CTNNA1: variants seen among roughly 807,000 people sequenced by gnomAD.
CTNNA1 encodes the protein catenin alpha 1, also known as catenin alpha-1.
In CTNNA1, 37 loss-of-function variants were observed where a neutral mutation model predicts 98.4. That is an observed-to-expected ratio of 0.38 (90% CI 0.29 to 0.49). CTNNA1 has a LOEUF of 0.49. CTNNA1 is among the 20% of genes least tolerant of loss of function. The pLI, the probability that CTNNA1 is intolerant of heterozygous loss-of-function variation, is 0.95. For synonymous variants in CTNNA1, 404 were observed against 413.2 expected (o/e 0.98, Z 0.27); for missense variants, 761 against 1,147.2 (o/e 0.66, Z 4.86).
chr5:138,798,756 C>G (rs1298394323), intron 3 of CTNNA1, among the ~76,000 whole-genome samples: 1 of 152,088 alleles, frequency 6.6e-6, no homozygotes, highest in Non-Finnish European at 1.5e-5. Flanking sequence ...GATTTTATTT[C>G]ATGGCAGATG....
intron 7 of CTNNA1, among the ~76,000 whole-genome samples, chr5:138,865,179 T>TTACTGG (rs985193719): frequency 3.3e-5 from 5 of 152,254 alleles, no homozygotes; most frequent in African/African-American, 1.2e-4. Context: ...TAGTAGGTGT[T>TTACTGG]TACTGGGTGT....
At chr5:138,823,575 G>C (rs1760261235) in intron 5 of CTNNA1, among the ~76,000 whole-genome samples, 1 of 152,122 alleles carries the variant, frequency 6.6e-6, no homozygotes, top group East Asian at 1.9e-4. Flanking sequence ...GTGCTTGTCA[G>C]AACAGCCTTG....
chr5:138,842,016 C>G (rs1383150526), intron 7 of CTNNA1, among the ~76,000 whole-genome samples: 1 of 152,182 alleles, frequency 6.6e-6, no homozygotes, highest in African/African-American at 2.4e-5. Context: ...AATGTTTTGG[C>G]TTGCCCTTGC....
Position 138,753,509 on chromosome 5 carries a change from A to G in CTNNA1, c.-4A>G, listed in dbSNP as rs898367431. On this transcript the variant is annotated splice_region_variant and 5_prime_UTR_variant, in exon 1 of 18. Transcript: ENST00000302763. The stretch of plus-strand genomic sequence containing the variant: ...ATTTAGCGCTCGCCCAGCTAGCCGC[A>G]GGTAACTTCGTACCTCCCTCCTCGC... The G allele has an allele frequency of 5.3e-6, 2 of 376,934 alleles. No individual in the cohort carries two copies. The highest frequency in any genetic ancestry group is 4.6e-5 in the Admixed American group (1 of 21,874). The allele number at this position is 376,934 out of a possible 1,614,324, so 23.3% of individuals were successfully genotyped here. A position where few individuals can be genotyped will look rare whatever the true frequency, so the allele number is the denominator to read the frequency against.
chr5:138,839,257 T>C (rs1762066803), intron 7 of CTNNA1, among the ~76,000 whole-genome samples: 1 of 152,188 alleles, frequency 6.6e-6, no homozygotes, highest in African/African-American at 2.4e-5. Flanking sequence ...GAAGTCTTGC[T>C]CTGTTGCTCA....
At position 138,827,717 on chromosome 5, in the gene CTNNA1, A is replaced by C; in HGVS notation, c.1061A>C (p.Asn354Thr). Residue 354 changes from asparagine to threonine, a missense_variant and splice_region_variant, in exon 7 of 18, where the codon AAT becomes ACT. This residue lies in a region of CTNNA1 where 287 missense variants were observed against 436.0 expected (regional missense o/e 0.66). Coordinates refer to ENST00000302763, the MANE Select transcript of CTNNA1 (RefSeq NM_001903.5). ...GACCTGCTTTCGGAGTACATGGGCAATGTGAGTTTGACAGCTTTTCTTTGA... is the reference window on the plus strand; with the variant it reads ...GACCTGCTTTCGGAGTACATGGGCACTGTGAGTTTGACAGCTTTTCTTTGA... ...LQDLLSEYMG[N>T]AGRKERSDAL... The C allele has an allele frequency of 6.2e-7, 1 of 1,614,096 alleles. No individual in the cohort carries two copies. Among genetic ancestry groups the C allele is most frequent in the Non-Finnish European group, 8.5e-7 (1 of 1,179,952 alleles).
intron 13 of CTNNA1, chr5:138,925,631 C>A: frequency 1.9e-6 from 1 of 534,816 alleles, no homozygotes; most frequent in Non-Finnish European, 3.2e-6. Context: ...CCTGAGTTGA[C>A]GATTTAATTT....
chr5:138,822,076 G>A (rs1240430946), intron 5 of CTNNA1, among the ~76,000 whole-genome samples: 2 of 152,136 alleles, frequency 1.3e-5, no homozygotes, highest in African/African-American at 4.8e-5. Context: ...TTTCATCATA[G>A]ATTAAAATAT....
At chr5:138,791,067 C>T (rs573945367) in intron 3 of CTNNA1, 1 of 152,270 alleles carries the variant, frequency 6.6e-6, no homozygotes, top group East Asian at 1.9e-4. Context: ...CTAAATATTC[C>T]TGTCCATAAA....
intron 7 of CTNNA1, among the ~76,000 whole-genome samples, chr5:138,877,970 T>C (rs1752033587): frequency 6.6e-6 from 1 of 152,190 alleles, no homozygotes; most frequent in East Asian, 1.9e-4. Context: ...AGGAAAAGCA[T>C]CTCCGTGCCC....
intron 7 of CTNNA1, among the ~76,000 whole-genome samples, chr5:138,858,973 G>A (rs1300273576): frequency 5.9e-5 from 9 of 152,116 alleles, no homozygotes; most frequent in African/African-American, 1.9e-4. Context: ...CTGATTGTTC[G>A]TGAACTTTCA....
At chr5:138,887,794 A>C in intron 9 of CTNNA1, 152 bp downstream of exon 9, 1 of 631,300 alleles carries the variant, frequency 1.6e-6, no homozygotes, top group African/African-American at 1.9e-5. Flanking sequence ...TTAACATCTA[A>C]GGAAAACTAC....
rs1174523026 is a variant in CTNNA1, at chr5:138,934,577, C to CAA, written c.*490_*491dup. 6.5e-6 allele frequency: 1 copy of CAA among 154,936 alleles called. No homozygotes were observed. The highest frequency in any genetic ancestry group is 1.4e-5 in the Non-Finnish European group (1 of 70,296). 9.6% of individuals were successfully genotyped at this position (154,936 alleles called of 1,614,324 possible). A position where few individuals can be genotyped will look rare whatever the true frequency, so the allele number is the denominator to read the frequency against. On this transcript the variant is annotated 3_prime_UTR_variant, in exon 18 of 18. Coordinates refer to ENST00000302763, the MANE Select transcript of CTNNA1 (RefSeq NM_001903.5). ...GTTCCCAGAAAGGTCTCTGGAGGGA[C>CAA]AAACTCACTCAGTAAAACATAATGT...
intron 7 of CTNNA1, among the ~76,000 whole-genome samples, chr5:138,847,490 T>C (rs1762829466): frequency 6.6e-6 from 1 of 152,228 alleles, no homozygotes; most frequent in African/African-American, 2.4e-5. Context: ...AAGTATTAGT[T>C]GAAGAATTCA....
At chr5:138,777,651 C>T (rs1457373583) in intron 1 of CTNNA1, among the ~76,000 whole-genome samples, 1 of 151,980 alleles carries the variant, frequency 6.6e-6, no homozygotes, top group Middle Eastern at 3.2e-3. Flanking sequence ...CGGTTAGGAG[C>T]TGGAGACCAG....
At position 138,811,933 on chromosome 5, in the gene CTNNA1, GGGGAGA is replaced by G. The variant is rs1341928344; in HGVS notation, c.469-238_469-233del. 8 of 348,342 alleles carry G rather than the reference GGGGAGA, an allele frequency of 2.3e-5. No individual in the cohort carries two copies. In the Admixed American group the frequency reaches 3.0e-4, roughly 13 times the overall value. The allele number at this position is 348,342 out of a possible 1,614,324, so 21.6% of individuals were successfully genotyped here. A position where few individuals can be genotyped will look rare whatever the true frequency, so the allele number is the denominator to read the frequency against. Reference sequence around the variant, plus strand: ...GGAAAGAGAGGGAGAGGGAGACCGTGGGGAGAGGGAGAGGGAGGGGAAGGGGGAGGG... The same window carrying G: ...GGAAAGAGAGGGAGAGGGAGACCGTGGGGAGAGGGAGGGGAAGGGGGAGGG... On this transcript the variant is annotated intron_variant, in intron 4 of 17. Transcript: ENST00000302763.
intron 5 of CTNNA1, among the ~76,000 whole-genome samples, chr5:138,813,467 G>C (rs549074693): frequency 5.5e-4 from 83 of 152,274 alleles, no homozygotes; most frequent in Admixed American, 9.2e-4. Context: ...TGGGTTAAGG[G>C]GTAGCTTTCC....
chr5:138,764,467 C>A (rs1432700534), intron 1 of CTNNA1, among the ~76,000 whole-genome samples: 1 of 151,624 alleles, frequency 6.6e-6, no homozygotes, highest in South Asian at 2.1e-4. Context: ...AAGATGGCAA[C>A]TTTTTTCTTT....
At chr5:138,756,349 C>T (rs1751646425) in intron 1 of CTNNA1, among the ~76,000 whole-genome samples, 1 of 151,972 alleles carries the variant, frequency 6.6e-6, no homozygotes, top group African/African-American at 2.4e-5. Context: ...TAATTTTTAG[C>T]AGAGATGGGG....
Sources: gnomAD v4.1 joint callset for allele counts (sites outside exome capture counted in the v4.1 genomes callset) on GRCh38, gnomAD v4.1.1 for gene constraint, gnomAD v4.1.1 regional missense constraint, MANE v1.5 for transcripts, NCBI Gene and HGNC (gene_info 2026-07-23, HGNC 2026-07-21) for gene names.